ELP4: variants seen among roughly 807,000 people sequenced by gnomAD.
ELP4 encodes the protein elongator complex protein 4.
In ELP4, 51 loss-of-function variants were observed where a neutral mutation model predicts 48.9. That is an observed-to-expected ratio of 1.04 (90% CI 0.83 to 1.32). The LOEUF is 1.32. Among genes scored for constraint, ELP4 ranks in the 40% most tolerant of loss-of-function variants. ELP4 has a pLI of 0.00. For synonymous variants in ELP4, 210 were observed against 189.2 expected (o/e 1.11, Z -0.90); for missense variants, 519 against 514.6 (o/e 1.01, Z -0.08).
intron 9 of ELP4, chr11:31,652,740 C>T (rs1301757942): frequency 6.6e-6 from 1 of 151,642 alleles, no homozygotes; most frequent in Non-Finnish European, 1.5e-5. Flanking sequence ...GAATCAGAGT[C>T]TCACTTTCAG....
intron 9 of ELP4, among the ~76,000 whole-genome samples, chr11:31,713,323 G>A (rs571349255): frequency 6.6e-6 from 1 of 152,278 alleles, no homozygotes; most frequent in East Asian, 1.9e-4. Context: ...AAGTTTTACT[G>A]TTGATTCTAA....
intron 9 of ELP4, among the ~76,000 whole-genome samples, chr11:31,777,663 A>G (rs1341120886): frequency 1.3e-5 from 2 of 152,186 alleles, no homozygotes; most frequent in African/African-American, 4.8e-5. Context: ...CATGAGTGGA[A>G]GTGATGTGTC....
chr11:31,523,950 T>C (rs963301381), intron 2 of ELP4, among the ~76,000 whole-genome samples: 1 of 152,084 alleles, frequency 6.6e-6, no homozygotes, highest in African/African-American at 2.4e-5. Context: ...GGATCTTTAT[T>C]TGTAAAGATA....
At chr11:31,591,318 A>G (rs1314133292) in intron 3 of ELP4, among the ~76,000 whole-genome samples, 1 of 148,110 alleles carries the variant, frequency 6.8e-6, no homozygotes, top group Non-Finnish European at 1.5e-5. Flanking sequence ...AGGCAAGAGA[A>G]TGGCATGAAC....
At chr11:31,634,084 G>A (rs377070673) in intron 7 of ELP4, 1 of 151,996 alleles carries the variant, frequency 6.6e-6, no homozygotes, top group South Asian at 2.1e-4. Context: ...TCCCATATCT[G>A]TTGTACATTT....
At chr11:31,525,547 A>G (rs1956283329) in intron 2 of ELP4, among the ~76,000 whole-genome samples, 1 of 152,206 alleles carries the variant, frequency 6.6e-6, no homozygotes, top group South Asian at 2.1e-4. Flanking sequence ...TCAGTACACA[A>G]TAGAGGATAT....
intron 5 of ELP4, among the ~76,000 whole-genome samples, chr11:31,613,875 A>AT (rs1358561222): frequency 1.3e-5 from 2 of 151,270 alleles, no homozygotes; most frequent in African/African-American, 2.4e-5. Flanking sequence ...CACCTGGCTA[A>AT]TTTTTTTGTA....
At chr11:31,510,077 C>G (rs1420708553) in intron 1 of ELP4, 70 bp downstream of exon 1, 2 of 1,429,338 alleles carry the variant, frequency 1.4e-6, no homozygotes, top group Non-Finnish European at 1.9e-6. Flanking sequence ...GGGGAAGCCA[C>G]TTTGACCCCA....
chr11:31,664,670 C>G (rs1036034537), intron 9 of ELP4, among the ~76,000 whole-genome samples: 3 of 151,998 alleles, frequency 2.0e-5, no homozygotes, highest in Non-Finnish European at 4.4e-5. Flanking sequence ...TCCCATAAAA[C>G]TAAATTCTTC....
chr11:31,719,095 C>T (rs373711193), intron 9 of ELP4, among the ~76,000 whole-genome samples: 2 of 151,918 alleles, frequency 1.3e-5, no homozygotes, highest in African/African-American at 2.4e-5. Flanking sequence ...CTCGTCTCTA[C>T]GCATAATTTA....
At chr11:31,731,399 A>G (rs1258844551) in intron 9 of ELP4, among the ~76,000 whole-genome samples, 19 of 152,228 alleles carry the variant, frequency 1.2e-4, no homozygotes, top group Admixed American at 1.2e-3. Context: ...GAAGAGTGCA[A>G]TAACTAAACT....
Position 31,632,317 on chromosome 11 carries a change from G to A in ELP4, c.839G>A (p.Ser280Asn), listed in dbSNP as rs752583802. The change falls in exon 7 of 10, where the codon AGC (serine) becomes AAC (asparagine). Residue 280 changes from serine to asparagine, a missense_variant. Physicochemically the swap from Ser to Asn is conservative, Grantham distance 46. Coordinates refer to ENST00000640961, the MANE Select transcript of ELP4 (RefSeq NM_019040.5). ...CCAENGGNSH[S>N]LTKFLYVLRG... ...GCAGAAAATGGTGGCAACAGTCACAGCCTTACCAAGTTCCTCTATGTTCTC... is the reference window on the plus strand; with the variant it reads ...GCAGAAAATGGTGGCAACAGTCACAACCTTACCAAGTTCCTCTATGTTCTC... The A allele has an allele frequency of 6.2e-7, 1 of 1,613,486 alleles. No homozygotes were observed. Among genetic ancestry groups the A allele is most frequent in the Non-Finnish European group, 8.5e-7 (1 of 1,179,682 alleles).
chr11:31,676,058 A>C (rs1945920129), intron 9 of ELP4, among the ~76,000 whole-genome samples: 1 of 151,690 alleles, frequency 6.6e-6, no homozygotes, highest in Non-Finnish European at 1.5e-5. Context: ...GAAGTCCTTA[A>C]GTGACCACCA....
intron 3 of ELP4, among the ~76,000 whole-genome samples, chr11:31,554,087 T>C (rs1956894122): frequency 6.6e-6 from 1 of 152,080 alleles, no homozygotes; most frequent in South Asian, 2.1e-4. Context: ...TCTGCCACTG[T>C]CTCCCATCAC....
intron 7 of ELP4, 92 bp downstream of exon 7, chr11:31,632,497 G>A: frequency 1.9e-6 from 2 of 1,035,996 alleles, no homozygotes; most frequent in South Asian, 4.5e-5. Context: ...AACTAATGAT[G>A]TTGACCATCT....
intron 6 of ELP4, among the ~76,000 whole-genome samples, chr11:31,630,951 A>C (rs1181895451): frequency 6.6e-6 from 1 of 152,142 alleles, no homozygotes; most frequent in African/African-American, 2.4e-5. Flanking sequence ...CTCAAAAAAA[A>C]AGAAAAAAGA....
chr11:31,526,646 A>G (rs1420972642), intron 2 of ELP4, among the ~76,000 whole-genome samples: 2 of 151,988 alleles, frequency 1.3e-5, no homozygotes, highest in Admixed American at 6.6e-5. Context: ...CCTAAAATCA[A>G]TCCTCAAAAC....
chr11:31,653,112 A>C (rs1945358117), intron 9 of ELP4: 1 of 151,726 alleles, frequency 6.6e-6, no homozygotes, highest in Non-Finnish European at 1.5e-5. Flanking sequence ...TCCAGATTCA[A>C]GTGAAAATAT....
intron 3 of ELP4, among the ~76,000 whole-genome samples, chr11:31,586,065 T>C (rs1328763135): frequency 6.6e-6 from 1 of 152,114 alleles, no homozygotes; most frequent in Non-Finnish European, 1.5e-5. Flanking sequence ...ATGTGGGAAA[T>C]TTTTTATTTA....
Sources: allele counts gnomAD v4.1 joint callset (sites outside exome capture counted in the v4.1 genomes callset), GRCh38; gene constraint gnomAD v4.1.1; transcripts MANE v1.5; gene names NCBI Gene and HGNC (gene_info 2026-07-23, HGNC 2026-07-21).